The following FAM76B variants were observed in gnomAD, a reference collection of about 807,000 sequenced individuals.
FAM76B encodes the protein protein FAM76B.
FAM76B carries 16 observed loss-of-function variants against 51.8 expected under a neutral mutation model. The observed-to-expected ratio is 0.31, with a 90% CI of 0.21 to 0.47. The LOEUF (loss-of-function observed/expected upper bound fraction) is 0.47. FAM76B is among the 20% of genes least tolerant of loss of function. FAM76B has a pLI of 1.00. For missense variants in FAM76B, 342 were observed against 392.6 expected (o/e 0.87, Z 1.09); for synonymous variants, 166 against 129.5 (o/e 1.28, Z -1.91).
At chr11:95,788,434 AC>A in intron 2 of FAM76B, 64 bp downstream of exon 2, 1 of 1,281,600 alleles carries the variant, frequency 7.8e-7, no homozygotes. Flanking sequence ...TGGGATTACA[AC>A]CCCCAAGTAT....
intron 8 of FAM76B, 23 bp downstream of exon 8, chr11:95,778,799 G>A: frequency 1.3e-6 from 2 of 1,575,600 alleles, no homozygotes; most frequent in Non-Finnish European, 8.6e-7. Context: ...CTCTTACCAG[G>A]CTTCAATGAA....
rs558977516 is a variant in FAM76B at position 95,784,681 on chromosome 11, G to C, written c.364-1417C>G. On this transcript the variant is annotated intron_variant, in intron 4 of 9. Transcript: ENST00000358780. ...TGGCTCACTGCAAGCTCCGCCTCCC[G>C]GGTTCACGCCATTCTCCTGCCTCAG... Among the ~76,000 whole-genome samples, 331 of 151,222 alleles carry C rather than the reference G, an allele frequency of 2.2e-3. 1 individual carries two copies. The highest frequency in any genetic ancestry group is 2.8e-3 in the Non-Finnish European group (193 of 67,834).
rs1389164352 is a variant in FAM76B at position 95,770,881 on chromosome 11, G to A, written c.*680C>T. The A allele has an allele frequency of 6.6e-6, 1 of 151,606 alleles. No individual in the cohort carries two copies. The highest frequency in any genetic ancestry group is 1.5e-5 in the Non-Finnish European group (1 of 67,392). The allele number at this position is 151,606 out of a possible 1,614,324, so 9.4% of individuals were successfully genotyped here. On this transcript the variant is annotated 3_prime_UTR_variant, in exon 10 of 10. Coordinates refer to ENST00000358780, the MANE Select transcript of FAM76B (RefSeq NM_144664.5). ...AAATAAAAACATTAGGTGGCAAAAAGGCACTTGTAAGTAAAAATCTACAGT... is the reference window on the plus strand; with the variant it reads ...AAATAAAAACATTAGGTGGCAAAAAAGCACTTGTAAGTAAAAATCTACAGT...
chr11:95,783,834 T>C (rs551907499), intron 4 of FAM76B, among the ~76,000 whole-genome samples: 28 of 152,328 alleles, frequency 1.8e-4, no homozygotes, highest in African/African-American at 6.0e-4. Context: ...TGCCACCCAA[T>C]AGCACACATT....
intron 5 of FAM76B, 26 bp downstream of exon 5, chr11:95,783,039 A>G (rs377015639): frequency 6.8e-5 from 109 of 1,609,250 alleles, no homozygotes; most frequent in Non-Finnish European, 8.8e-5. Flanking sequence ...GAAGAGTTTT[A>G]GAAAATATGA....
At chr11:95,782,952 T>G (rs1162345246) in intron 5 of FAM76B, 113 bp downstream of exon 5, 2 of 1,336,900 alleles carry the variant, frequency 1.5e-6, no homozygotes, top group African/African-American at 2.9e-5. Flanking sequence ...ATGCTTACTG[T>G]GTACAATGGA....
chr11:95,788,763 T>G (rs186166021), intron 1 of FAM76B, 200 bp from the exon 2 acceptor site: 105 of 1,397,614 alleles, frequency 7.5e-5, no homozygotes, highest in Admixed American at 6.8e-4. Flanking sequence ...GTCTTTGTCT[T>G]TAGTAGACGT....
chr11:95,774,785 T>A (rs1308386342), intron 9 of FAM76B, among the ~76,000 whole-genome samples: 1 of 151,350 alleles, frequency 6.6e-6, no homozygotes, highest in Non-Finnish European at 1.5e-5. Flanking sequence ...CACCACCTAG[T>A]CAACAAATTA....
intron 9 of FAM76B, among the ~76,000 whole-genome samples, chr11:95,773,286 T>G (rs1276448929): frequency 3.3e-5 from 5 of 151,186 alleles, no homozygotes; most frequent in Non-Finnish European, 5.9e-5. Flanking sequence ...TAAAGATATT[T>G]CTTAATAAAT....
At chr11:95,785,412 G>C (rs757111702) in intron 4 of FAM76B, among the ~76,000 whole-genome samples, 42 of 152,294 alleles carry the variant, frequency 2.8e-4, no homozygotes, top group Non-Finnish European at 4.4e-4. Flanking sequence ...AGACTTTCCA[G>C]AAGTACTGAC....
chr11:95,785,772 GC>G (rs1209582960), intron 4 of FAM76B, among the ~76,000 whole-genome samples: 2 of 152,212 alleles, frequency 1.3e-5, no homozygotes, highest in African/African-American at 2.4e-5. Context: ...AATTTTATGT[GC>G]CAATGTGCCA....
At chr11:95,782,381 G>A (rs1860319060) in intron 5 of FAM76B, among the ~76,000 whole-genome samples, 1 of 151,738 alleles carries the variant, frequency 6.6e-6, no homozygotes, top group Non-Finnish European at 1.5e-5. Context: ...TGCATATATA[G>A]AAGGCCAACT....
chr11:95,789,448 T>G lies in FAM76B; in HGVS notation c.31A>C (p.Lys11Gln), dbSNP rs755314641. The G allele has an allele frequency of 1.2e-6, 2 of 1,609,628 alleles. No individual in the cohort carries two copies. Among genetic ancestry groups the G allele is most frequent in the Non-Finnish European group, 1.7e-6 (2 of 1,178,208 alleles). The stretch of plus-strand genomic sequence containing the variant: ...TCGAAAGGATAACGCTGGGTACACT[T>G]GGTGCAGGCGTACAGGGCCGAGGCC... MAASALYACT[K>Q]CTQRYPFEEL... Residue 11 changes from lysine to glutamine, a missense_variant, in exon 1 of 10, where the codon AAG (lysine) becomes CAG (glutamine). Coordinates refer to ENST00000358780, the MANE Select transcript of FAM76B (RefSeq NM_144664.5).
intron 4 of FAM76B, among the ~76,000 whole-genome samples, chr11:95,784,207 T>C (rs1018922062): frequency 8.5e-5 from 13 of 152,158 alleles, no homozygotes; most frequent in Non-Finnish European, 1.8e-4. Context: ...AAATCCTGCA[T>C]GTTCTTACTT....
intron 3 of FAM76B, among the ~76,000 whole-genome samples, 165 bp downstream of exon 3, chr11:95,787,459 C>T (rs906765489): frequency 1.3e-5 from 2 of 152,150 alleles, no homozygotes; most frequent in African/African-American, 4.8e-5. Flanking sequence ...CCAGGATGGT[C>T]TCCATCTCCT....
chr11:95,782,082 T>C (rs1860301733), intron 5 of FAM76B, among the ~76,000 whole-genome samples: 1 of 152,184 alleles, frequency 6.6e-6, no homozygotes, highest in Non-Finnish European at 1.5e-5. Context: ...GCATGCCATA[T>C]GTCCGTTTTT....
chr11:95,777,590 A>C (rs1860066055), intron 8 of FAM76B, among the ~76,000 whole-genome samples: 1 of 151,410 alleles, frequency 6.6e-6, no homozygotes, highest in Non-Finnish European at 1.5e-5. Context: ...AATTTAAAAA[A>C]TGCTGTCAAT....
At chr11:95,789,040 A>T (rs1860796471) in intron 1 of FAM76B, 5 of 1,377,336 alleles carry the variant, frequency 3.6e-6, no homozygotes, top group Non-Finnish European at 4.8e-6. Flanking sequence ...GTGGAAGAAG[A>T]GGACAGACCA....
At chr11:95,776,482 T>G (rs936342465) in intron 8 of FAM76B, among the ~76,000 whole-genome samples, 1 of 151,552 alleles carries the variant, frequency 6.6e-6, no homozygotes, top group Admixed American at 6.6e-5. Context: ...AATGGTCTTT[T>G]CAGCCAAAAG....
Sources: gnomAD v4.1 joint callset for allele counts (sites outside exome capture counted in the v4.1 genomes callset) on GRCh38, gnomAD v4.1.1 for gene constraint, MANE v1.5 for transcripts, NCBI Gene and HGNC (gene_info 2026-07-23, HGNC 2026-07-21) for gene names.